Variants in SCN8A observed in about 807,000 individuals in gnomAD.
SCN8A encodes the protein sodium channel protein type 8 subunit alpha.
SCN8A carries 30 observed loss-of-function variants against 184.1 expected under a neutral mutation model. That is an observed-to-expected ratio of 0.16 (90% CI 0.12 to 0.22). The LOEUF (loss-of-function observed/expected upper bound fraction) is 0.22. SCN8A is among the 10% of genes least tolerant of loss of function. The probability of loss-of-function intolerance (pLI) is 1.00; values close to 1 mark genes in which losing one functional copy is unlikely to be tolerated. For missense variants in SCN8A, 1,057 were observed against 2,498.9 expected (o/e 0.42, Z 12.30); for synonymous variants, 852 against 907.0 (o/e 0.94, Z 1.09).
At chr12:51,747,943 C>T (rs1942539077) in intron 13 of SCN8A, among the ~76,000 whole-genome samples, 1 of 152,004 alleles carries the variant, frequency 6.6e-6, no homozygotes, top group African/African-American at 2.4e-5. Context: ...AATATTATTC[C>T]AGTTTTTTGT....
intron 21 of SCN8A, among the ~76,000 whole-genome samples, chr12:51,782,771 C>T (rs1937962687): frequency 6.6e-6 from 1 of 152,214 alleles, no homozygotes; most frequent in Non-Finnish European, 1.5e-5. Context: ...GATGCAGGAG[C>T]CGTTTTGGGA....
chr12:51,658,789 G>A (rs958084926), intron 1 of SCN8A, among the ~76,000 whole-genome samples: 5 of 152,162 alleles, frequency 3.3e-5, no homozygotes, highest in Non-Finnish European at 5.9e-5. Context: ...TTTATGTTAT[G>A]TAAATTTCAT....
chr12:51,626,745 C>G (rs1028459880), intron 1 of SCN8A, among the ~76,000 whole-genome samples: 2 of 151,584 alleles, frequency 1.3e-5, no homozygotes, highest in African/African-American at 4.8e-5. Flanking sequence ...TCTTACCTCT[C>G]CCACCTCCAC....
chr12:51,608,864 C>T (rs1482963055), intron 1 of SCN8A, among the ~76,000 whole-genome samples: 1 of 152,062 alleles, frequency 6.6e-6, no homozygotes. Flanking sequence ...TTGATGTAGG[C>T]GTTTAGGGCC....
intron 12 of SCN8A, among the ~76,000 whole-genome samples, chr12:51,729,547 A>G (rs1942208650): frequency 6.6e-6 from 1 of 152,118 alleles, no homozygotes; most frequent in Non-Finnish European, 1.5e-5. Flanking sequence ...ACATATCCCA[A>G]TTTGTTTATT....
At chr12:51,772,227 C>T (rs1417849188) in intron 19 of SCN8A, among the ~76,000 whole-genome samples, 1 of 151,964 alleles carries the variant, frequency 6.6e-6, no homozygotes, top group Non-Finnish European at 1.5e-5. Flanking sequence ...GAAACCACGT[C>T]TCTAGTAAAA....
chr12:51,774,824 C>T (rs1054067863), intron 20 of SCN8A, among the ~76,000 whole-genome samples: 1 of 152,142 alleles, frequency 6.6e-6, no homozygotes, highest in Non-Finnish European at 1.5e-5. Flanking sequence ...CCATCCAACT[C>T]AAGTCTTGAT....
At chr12:51,654,230 C>G (rs1415604786) in intron 1 of SCN8A, among the ~76,000 whole-genome samples, 1 of 151,996 alleles carries the variant, frequency 6.6e-6, no homozygotes, top group Non-Finnish European at 1.5e-5. Context: ...CTTTTATTGC[C>G]TATGCTTTTG....
chr12:51,619,540 A>G (rs1334878511), intron 1 of SCN8A, among the ~76,000 whole-genome samples: 1 of 152,226 alleles, frequency 6.6e-6, no homozygotes, highest in African/African-American at 2.4e-5. Flanking sequence ...AAGCCTTGAT[A>G]TGGTAAGGAA....
chr12:51,656,636 G>A (rs1028002876), intron 1 of SCN8A, among the ~76,000 whole-genome samples: 1 of 152,134 alleles, frequency 6.6e-6, no homozygotes, highest in South Asian at 2.1e-4. Context: ...ACTTAAATCA[G>A]CACTTCACAA....
At chr12:51,664,877 T>C (rs1380459832) in intron 2 of SCN8A, among the ~76,000 whole-genome samples, 1 of 151,928 alleles carries the variant, frequency 6.6e-6, no homozygotes, top group Non-Finnish European at 1.5e-5. Flanking sequence ...ATGCTCTCCC[T>C]CCCCCCATTC....
intron 1 of SCN8A, among the ~76,000 whole-genome samples, chr12:51,637,520 G>A (rs1940345480): frequency 6.6e-6 from 1 of 152,320 alleles, no homozygotes; most frequent in East Asian, 1.9e-4. Flanking sequence ...ATGCTGATAT[G>A]GAGAAAGTTC....
At chr12:51,756,488 A>G (rs1942676580) in intron 14 of SCN8A, among the ~76,000 whole-genome samples, 1 of 152,108 alleles carries the variant, frequency 6.6e-6, no homozygotes, top group African/African-American at 2.4e-5. Flanking sequence ...TGGAGATGCT[A>G]TCTTTACCTT....
intron 1 of SCN8A, among the ~76,000 whole-genome samples, chr12:51,656,856 A>G (rs2138662056): frequency 6.6e-6 from 1 of 152,266 alleles, no homozygotes; most frequent in African/African-American, 2.4e-5. Flanking sequence ...GAAAGTAACA[A>G]GTGTTGGCAA....
At chr12:51,711,671 C>G (rs561305832) in intron 11 of SCN8A, among the ~76,000 whole-genome samples, 2 of 150,396 alleles carry the variant, frequency 1.3e-5, no homozygotes, top group African/African-American at 4.9e-5. Context: ...CAACATAGTT[C>G]AGTTATGTGT....
intron 2 of SCN8A, among the ~76,000 whole-genome samples, chr12:51,673,999 A>C (rs766469204): frequency 4.6e-5 from 7 of 152,192 alleles, no homozygotes; most frequent in Non-Finnish European, 7.3e-5. Flanking sequence ...AGAGTAGTTC[A>C]GGTGTGAGGA....
chr12:51,710,326 G>A (rs1027544898), intron 11 of SCN8A, among the ~76,000 whole-genome samples: 2 of 152,072 alleles, frequency 1.3e-5, no homozygotes, highest in African/African-American at 2.4e-5. Flanking sequence ...CATATATGAT[G>A]TTTGTTTTCT....
At chr12:51,784,480 G>C (rs575808055) in intron 21 of SCN8A, among the ~76,000 whole-genome samples, 7 of 152,176 alleles carry the variant, frequency 4.6e-5, no homozygotes, top group Non-Finnish European at 8.8e-5. Flanking sequence ...GCTTGAACCT[G>C]AGAAGGGCCT....
At chr12:51,711,055 G>A (rs1941866693) in intron 11 of SCN8A, among the ~76,000 whole-genome samples, 1 of 152,184 alleles carries the variant, frequency 6.6e-6, no homozygotes, top group African/African-American at 2.4e-5. Flanking sequence ...ATAGCCTGAA[G>A]CCATCTCTAT....
Sources: gnomAD v4.1 joint callset for allele counts (sites outside exome capture counted in the v4.1 genomes callset) on GRCh38, gnomAD v4.1.1 for gene constraint, MANE v1.5 for transcripts, NCBI Gene and HGNC (gene_info 2026-07-23, HGNC 2026-07-21) for gene names.